Variants in IL1RAPL1 observed in about 807,000 individuals in gnomAD.
IL1RAPL1 encodes interleukin-1 receptor accessory protein-like 1.
IL1RAPL1 carries 3 observed loss-of-function variants against 48.4 expected under a neutral mutation model. The observed-to-expected ratio is 0.06, with a 90% CI of 0.03 to 0.16. IL1RAPL1 has a LOEUF of 0.16. Among genes scored for constraint, IL1RAPL1 ranks in the 10% least tolerant of loss-of-function variants. The pLI is 1.00. For missense variants in IL1RAPL1, 349 were observed against 530.6 expected (o/e 0.66, Z 3.36); for synonymous variants, 185 against 187.7 (o/e 0.99, Z 0.12).
intron 5 of IL1RAPL1, among the ~76,000 whole-genome samples, chrX:29,599,297 C>A (rs1188953923): frequency 8.9e-6 from 1 of 112,104 alleles, no homozygotes; most frequent in African/African-American, 3.2e-5. Flanking sequence ...TCACTGGATA[C>A]AAAATTCTTG....
intron 1 of IL1RAPL1, among the ~76,000 whole-genome samples, chrX:28,739,519 T>C (rs57748432): frequency 0.063 from 7,011 of 111,263 alleles, 435 homozygotes; most frequent in East Asian, 0.33. Context: ...GAAGATACCA[T>C]TTATTAATCT....
chrX:29,813,170 T>TTATG (rs1164136403), intron 6 of IL1RAPL1, among the ~76,000 whole-genome samples: 2 of 111,728 alleles, frequency 1.8e-5, no homozygotes, highest in Non-Finnish European at 3.8e-5. Context: ...CCGGGAAATA[T>TTATG]TATGTATGTA....
chrX:29,161,017 T>A (rs1929673293), intron 2 of IL1RAPL1, among the ~76,000 whole-genome samples: 1 of 109,099 alleles, frequency 9.2e-6, no homozygotes, highest in Non-Finnish European at 1.9e-5. Context: ...GAGAAGATTG[T>A]ACCACTGCCC....
rs961712768 is a variant in IL1RAPL1, at chrX:29,265,048, G to A, written c.83-17890G>A. On this transcript the variant is annotated intron_variant, in intron 2 of 10. Transcript: ENST00000378993. ...GTGCCCCAGCTTCCCGAGTAGCTGG[G>A]ATTGCAGGCATACGCCACGACACCC... Among the ~76,000 whole-genome samples, 6 of 111,238 alleles carry A rather than the reference G, an allele frequency of 5.4e-5. No individual in the cohort carries two copies. In the South Asian group the frequency reaches 1.1e-3, roughly 21 times the overall value.
chrX:29,683,759 TAA>T lies in IL1RAPL1; in HGVS notation c.778+15256_778+15257del, dbSNP rs767000860. 4.5e-3 allele frequency among the ~76,000 whole-genome samples: 505 copies of T among 112,373 alleles called. 3 individuals carry two copies. The highest frequency in any genetic ancestry group is 7.0e-3 in the Admixed American group (74 of 10,575). On this transcript the variant is annotated intron_variant, in intron 6 of 10. Coordinates refer to ENST00000378993, the MANE Select transcript of IL1RAPL1 (RefSeq NM_014271.4). ...CTTGAGTTCTGTTTTCTTCCACTGT[TAA>T]GAGAGTCTATGTCTCATCAAGTAGA...
intron 6 of IL1RAPL1, among the ~76,000 whole-genome samples, chrX:29,728,961 G>T: frequency 9.0e-6 from 1 of 111,598 alleles, no homozygotes; most frequent in East Asian, 2.8e-4. Flanking sequence ...TCCCAACATG[G>T]CTGCCTCAGC....
intron 1 of IL1RAPL1, among the ~76,000 whole-genome samples, chrX:28,588,504 G>A (rs1294733895): frequency 8.9e-6 from 1 of 111,930 alleles, no homozygotes; most frequent in East Asian, 2.8e-4. Context: ...AAAGAAATAT[G>A]TTTTCAACTC....
chrX:28,648,165 A>G (rs2146902308), intron 1 of IL1RAPL1, among the ~76,000 whole-genome samples: 1 of 110,821 alleles, frequency 9.0e-6, no homozygotes, highest in East Asian at 2.9e-4. Flanking sequence ...CTCTTTCATC[A>G]TTTGAAGTCT....
chrX:29,599,247 C>T (rs1923645133), intron 5 of IL1RAPL1, among the ~76,000 whole-genome samples: 2 of 111,986 alleles, frequency 1.8e-5, no homozygotes, highest in Non-Finnish European at 3.8e-5. Flanking sequence ...ATTTGTTTGT[C>T]TGGAAAACAC....
chrX:28,846,494 A>G (rs2147294585), intron 2 of IL1RAPL1, among the ~76,000 whole-genome samples: 1 of 111,660 alleles, frequency 9.0e-6, no homozygotes, highest in South Asian at 3.8e-4. Context: ...TTTGTAAGAA[A>G]CTGCCAAACT....
chrX:28,722,818 G>C (rs754347103), intron 1 of IL1RAPL1, among the ~76,000 whole-genome samples: 1 of 111,560 alleles, frequency 9.0e-6, no homozygotes, highest in South Asian at 3.8e-4. Flanking sequence ...GTTGAATTTT[G>C]TCAAAGGCCT....
At chrX:29,279,039 A>C (rs1932159516) in intron 2 of IL1RAPL1, among the ~76,000 whole-genome samples, 1 of 112,433 alleles carries the variant, frequency 8.9e-6, no homozygotes, top group African/African-American at 3.2e-5. Flanking sequence ...GATGAGGCAA[A>C]CCGTTAACAA....
chrX:29,415,674 C>T (rs1934206186), intron 5 of IL1RAPL1, among the ~76,000 whole-genome samples: 1 of 112,238 alleles, frequency 8.9e-6, no homozygotes, highest in Non-Finnish European at 1.9e-5. Flanking sequence ...CCACTTTGGC[C>T]TCCCAAAGTG....
chrX:29,312,979 G>A (rs943814758), intron 3 of IL1RAPL1, among the ~76,000 whole-genome samples: 1 of 111,713 alleles, frequency 9.0e-6, no homozygotes, highest in African/African-American at 3.3e-5. Context: ...AGGTGGAACT[G>A]TGAGTCCATT....
intron 2 of IL1RAPL1, among the ~76,000 whole-genome samples, chrX:29,082,917 C>CA (rs1202646483): frequency 8.9e-6 from 1 of 111,914 alleles, no homozygotes; most frequent in East Asian, 2.8e-4. Context: ...GAGGATGTAA[C>CA]ATCTTTTTCT....
intron 2 of IL1RAPL1, among the ~76,000 whole-genome samples, chrX:29,176,166 T>A (rs1930015865): frequency 9.9e-6 from 1 of 101,487 alleles, no homozygotes; most frequent in Non-Finnish European, 2.0e-5. Flanking sequence ...CGATCTCGGC[T>A]CACTACAAGC....
At chrX:29,308,178 G>A (rs902847858) in intron 3 of IL1RAPL1, among the ~76,000 whole-genome samples, 2 of 111,754 alleles carry the variant, frequency 1.8e-5, no homozygotes, top group South Asian at 7.5e-4. Flanking sequence ...AGGCTCACAT[G>A]ATAACAGCTG....
intron 2 of IL1RAPL1, among the ~76,000 whole-genome samples, chrX:29,032,926 A>G (rs985247195): frequency 8.9e-6 from 1 of 112,763 alleles, no homozygotes; most frequent in Non-Finnish European, 1.9e-5. Context: ...TGAGAATAAA[A>G]TGGAATAAAA....
intron 6 of IL1RAPL1, among the ~76,000 whole-genome samples, chrX:29,782,073 T>C (rs1929351208): frequency 1.3e-5 from 1 of 78,759 alleles, no homozygotes. Flanking sequence ...TTGATCCATA[T>C]CTATCTGTCT....
Sources: allele counts gnomAD v4.1 joint callset (sites outside exome capture counted in the v4.1 genomes callset), GRCh38; gene constraint gnomAD v4.1.1; transcripts MANE v1.5; gene names NCBI Gene and HGNC (gene_info 2026-07-23, HGNC 2026-07-21).